The following VAPB variants were observed in gnomAD, a reference collection of about 807,000 sequenced individuals.
VAPB encodes the protein vesicle-associated membrane protein-associated protein B/C.
Under a neutral mutation model 25.6 loss-of-function variants are expected in VAPB, and 7 were observed. The ratio of observed to expected loss-of-function variants is 0.27; its 90% CI spans 0.16 to 0.51. The LOEUF is 0.51. VAPB is among the 20% of genes least tolerant of loss of function. The pLI is 0.97. For missense variants in VAPB, 266 were observed against 301.3 expected (o/e 0.88, Z 0.87); for synonymous variants, 112 against 109.2 (o/e 1.03, Z -0.16).
At position 58,408,890 on chromosome 20, in the gene VAPB, A is replaced by ACCCCC. The variant is rs60297703; in HGVS notation, c.59-9313_59-9309dup. Among the ~76,000 whole-genome samples, 86 of 91,908 alleles carry ACCCCC rather than the reference A, an allele frequency of 9.4e-4. 1 individual carries two copies. The highest frequency in any genetic ancestry group is 6.0e-3 in the Middle Eastern group (1 of 166). 60.3% of individuals were successfully genotyped at this position (91,908 alleles called of 152,430 possible). A position where few individuals can be genotyped will look rare whatever the true frequency, so the allele number is the denominator to read the frequency against. On this transcript the variant is annotated intron_variant, in intron 1 of 5. Coordinates refer to ENST00000475243, the MANE Select transcript of VAPB (RefSeq NM_004738.5). ...GGATCTGGTGATGAATAGGACAGAC[A>ACCCCC]CCCCCCCCCCCCACCCCGCCCCCCA...
At position 58,393,633 on chromosome 20, in the gene VAPB, T is replaced by C. The variant is rs560357153; in HGVS notation, c.58+4116T>C. ...TCGTTCAGGACTCTAGATCATTCCT[T>C]ACATCCTAGCCCATTCCCCCAGCAA... On this transcript the variant is annotated intron_variant, in intron 1 of 5. Transcript: ENST00000475243. Among the ~76,000 whole-genome samples the C allele has an allele frequency of 2.0e-5, 3 of 152,342 alleles. No homozygotes were observed. The East Asian group carries it at 5.8e-4, about 29-fold the overall frequency.
intron 1 of VAPB, among the ~76,000 whole-genome samples, chr20:58,413,597 T>A (rs1291453380): frequency 3.3e-5 from 5 of 151,944 alleles, no homozygotes; most frequent in East Asian, 2.0e-4. Flanking sequence ...TCCCCACCTT[T>A]CCCGCCTTTC....
chr20:58,401,124 C>T (rs1404667940), intron 1 of VAPB, among the ~76,000 whole-genome samples: 1 of 152,204 alleles, frequency 6.6e-6, no homozygotes, highest in Non-Finnish European at 1.5e-5. Flanking sequence ...ACTTGGTCGG[C>T]TCATTTGTAT....
chr20:58,392,287 T>C (rs1440615572), intron 1 of VAPB, among the ~76,000 whole-genome samples: 1 of 152,204 alleles, frequency 6.6e-6, no homozygotes, highest in East Asian at 1.9e-4. Context: ...ACTTAACTAC[T>C]TAAGTGGTTT....
chr20:58,392,927 A>G (rs936397817), intron 1 of VAPB, among the ~76,000 whole-genome samples: 13 of 152,242 alleles, frequency 8.5e-5, no homozygotes, highest in African/African-American at 3.1e-4. Flanking sequence ...GCTTCCTGAA[A>G]GAAGCATGAC....
chr20:58,397,779 C>A (rs1987998969), intron 1 of VAPB, among the ~76,000 whole-genome samples: 2 of 152,112 alleles, frequency 1.3e-5, no homozygotes, highest in Admixed American at 6.5e-5. Context: ...CCAGCCATTG[C>A]CTTGGACAGA....
intron 1 of VAPB, among the ~76,000 whole-genome samples, chr20:58,395,490 G>A (rs1987934370): frequency 6.6e-6 from 1 of 152,104 alleles, no homozygotes; most frequent in Non-Finnish European, 1.5e-5. Flanking sequence ...AAAATTTGCT[G>A]TCTAAAGGAT....
At chr20:58,436,992 CTTTTTTTTTTTTTT>C (rs34944837) in intron 3 of VAPB, among the ~76,000 whole-genome samples, 1 of 77,432 alleles carries the variant, frequency 1.3e-5, no homozygotes, top group Non-Finnish European at 2.3e-5. Flanking sequence ...AAACTTTGAA[CTTTTTTTTTTTTTT>C]TTTTTTTTTT....
intron 1 of VAPB, among the ~76,000 whole-genome samples, chr20:58,393,867 G>A (rs775975800): frequency 6.6e-6 from 1 of 152,130 alleles, no homozygotes; most frequent in Non-Finnish European, 1.5e-5. Context: ...CGAGTAGCTG[G>A]GATTACAGGC....
intron 2 of VAPB, among the ~76,000 whole-genome samples, chr20:58,423,645 C>T (rs1285602499): frequency 1.3e-5 from 2 of 152,120 alleles, no homozygotes; most frequent in African/African-American, 4.8e-5. Flanking sequence ...TATAAACGCA[C>T]AGAGCCCTTA....
intron 1 of VAPB, among the ~76,000 whole-genome samples, chr20:58,412,600 A>G (rs1478983566): frequency 7.0e-6 from 1 of 143,724 alleles, no homozygotes. Flanking sequence ...AGGTAAAATT[A>G]TATATTTACT....
At chr20:58,431,659 C>A (rs545258952) in intron 2 of VAPB, 1 of 151,982 alleles carries the variant, frequency 6.6e-6, no homozygotes, top group African/African-American at 2.4e-5. Flanking sequence ...CAGCCTCCAT[C>A]TCCCAGGCCT....
At chr20:58,420,792 C>G (rs1432414584) in intron 2 of VAPB, among the ~76,000 whole-genome samples, 1 of 152,168 alleles carries the variant, frequency 6.6e-6, no homozygotes, top group Non-Finnish European at 1.5e-5. Context: ...CATTGCATTT[C>G]TAGGACAGCC....
chr20:58,443,755 G>A (rs1008338436), intron 5 of VAPB, among the ~76,000 whole-genome samples: 4 of 152,130 alleles, frequency 2.6e-5, no homozygotes, highest in East Asian at 3.8e-4. Context: ...GGGTGGGGCC[G>A]AGGGTGCAAA....
chr20:58,409,489 A>G (rs1988321089), intron 1 of VAPB, among the ~76,000 whole-genome samples: 1 of 152,204 alleles, frequency 6.6e-6, no homozygotes. Flanking sequence ...AAATCCATCA[A>G]AAGTCATAGG....
At chr20:58,414,616 C>G (rs1988487096) in intron 1 of VAPB, among the ~76,000 whole-genome samples, 1 of 151,852 alleles carries the variant, frequency 6.6e-6, no homozygotes, top group Non-Finnish European at 1.5e-5. Context: ...CTCCCCACAT[C>G]TCAGACGATG....
intron 2 of VAPB, among the ~76,000 whole-genome samples, chr20:58,423,389 G>C (rs1988709137): frequency 1.1e-5 from 1 of 87,230 alleles, no homozygotes; most frequent in Non-Finnish European, 2.1e-5. Flanking sequence ...TCCAGCCTGG[G>C]CAACAAGAGA....
At chr20:58,440,886 C>G in intron 4 of VAPB, 21 bp from the exon 5 acceptor site, 1 of 1,610,482 alleles carries the variant, frequency 6.2e-7, no homozygotes, top group South Asian at 1.1e-5. Context: ...GACACTTAGG[C>G]TTTCATTTGT....
intron 1 of VAPB, among the ~76,000 whole-genome samples, chr20:58,414,446 G>A (rs1468639119): frequency 6.6e-6 from 1 of 151,210 alleles, no homozygotes; most frequent in African/African-American, 2.4e-5. Context: ...CCGCCGGGCG[G>A]AGGGTCTCCC....
Sources: allele counts gnomAD v4.1 joint callset (sites outside exome capture counted in the v4.1 genomes callset), GRCh38; gene constraint gnomAD v4.1.1; transcripts MANE v1.5; gene names NCBI Gene and HGNC (gene_info 2026-07-23, HGNC 2026-07-21).